Variants in KLF12 observed in about 807,000 individuals in gnomAD.
The protein encoded by KLF12 is KLF transcription factor 12.
KLF12 carries 9 observed loss-of-function variants against 37.8 expected under a neutral mutation model. That is an observed-to-expected ratio of 0.24 (90% CI 0.14 to 0.42). The LOEUF is 0.42. Among genes scored for constraint, KLF12 ranks in the 10% least tolerant of loss-of-function variants. The pLI, the probability that KLF12 is intolerant of heterozygous loss-of-function variation, is 1.00. For missense variants in KLF12, 411 were observed against 516.0 expected, an observed-to-expected ratio of 0.80 and a Z score of 1.97; for synonymous variants, 208 against 202.1, an observed-to-expected ratio of 1.03 and a Z score of -0.25.
At chr13:74,173,007 G>A in the KLF12 span, among the ~76,000 whole-genome samples, 4,993 of 152,272 alleles carry the variant, frequency 0.033, 182 homozygotes, top group African/African-American at 0.086. Flanking sequence ...TACCCATTCT[G>A]AGATTCTGGG....
At chr13:73,829,657 A>T (rs971318921) in intron 4 of KLF12, among the ~76,000 whole-genome samples, 2 of 152,136 alleles carry the variant, frequency 1.3e-5, no homozygotes, top group South Asian at 2.1e-4. Flanking sequence ...GAAACTTACA[A>T]ATATGCAAGG....
intron 2 of KLF12, among the ~76,000 whole-genome samples, chr13:73,984,668 T>G (rs191452341): frequency 1.3e-5 from 2 of 152,358 alleles, no homozygotes; most frequent in East Asian, 3.9e-4. Flanking sequence ...CCTACCATCA[T>G]AGGAGGTCAA....
At chr13:74,097,697 C>CATAT (rs58038474) in intron 1 of KLF12, among the ~76,000 whole-genome samples, 26,524 of 149,916 alleles carry the variant, frequency 0.18, 2,452 homozygotes, top group African/African-American at 0.25. Flanking sequence ...ATTTTATATA[C>CATAT]ATATATATAT....
chr13:74,207,233 C>T, the KLF12 span, among the ~76,000 whole-genome samples: 1 of 152,190 alleles, frequency 6.6e-6, no homozygotes, highest in African/African-American at 2.4e-5. Flanking sequence ...CTAATGTCCT[C>T]TTAACAGTTC....
At chr13:73,782,942 G>T (rs949569463) in intron 5 of KLF12, among the ~76,000 whole-genome samples, 2 of 152,144 alleles carry the variant, frequency 1.3e-5, no homozygotes, top group Non-Finnish European at 2.9e-5. Flanking sequence ...TTGATTTAGC[G>T]TATTCTGTAC....
chr13:74,265,490 C>G, the KLF12 span, among the ~76,000 whole-genome samples: 1 of 152,120 alleles, frequency 6.6e-6, no homozygotes, highest in Non-Finnish European at 1.5e-5. Flanking sequence ...GACCTGTGGT[C>G]GTTTTCTGGT....
At chr13:74,088,597 A>G (rs1822932216) in intron 1 of KLF12, among the ~76,000 whole-genome samples, 1 of 152,122 alleles carries the variant, frequency 6.6e-6, no homozygotes, top group African/African-American at 2.4e-5. Flanking sequence ...AAATCAATAT[A>G]TGGTCATCAC....
chr13:74,058,262 C>T (rs150830791), intron 1 of KLF12, among the ~76,000 whole-genome samples: 1,773 of 150,568 alleles, frequency 0.012, 25 homozygotes, highest in African/African-American at 0.036. Flanking sequence ...CCACTGTGCC[C>T]GGCCAGCTAT....
chr13:74,069,181 G>C (rs544219570), intron 1 of KLF12, among the ~76,000 whole-genome samples: 1 of 152,288 alleles, frequency 6.6e-6, no homozygotes, highest in African/African-American at 2.4e-5. Context: ...CTTACATGTG[G>C]CTCTTTTTCC....
At chr13:74,260,626 A>AATAAAATAAAATAAAATAAAAT in the KLF12 span, among the ~76,000 whole-genome samples, 11 of 117,212 alleles carry the variant, frequency 9.4e-5, no homozygotes, top group African/African-American at 4.6e-4. Flanking sequence ...AATAAAATAA[A>AATAAAATAAAATAAAATAAAAT]ATAGTGAATT....
At chr13:73,729,384 C>T (rs1348488082) in intron 6 of KLF12, among the ~76,000 whole-genome samples, 4 of 152,136 alleles carry the variant, frequency 2.6e-5, no homozygotes, top group African/African-American at 9.7e-5. Context: ...TAAAATACTG[C>T]ATGGTATAAT....
At chr13:73,902,449 T>A (rs1371191778) in intron 3 of KLF12, among the ~76,000 whole-genome samples, 2 of 152,214 alleles carry the variant, frequency 1.3e-5, no homozygotes, top group Admixed American at 6.5e-5. Context: ...TCCATTTTTA[T>A]AGAAGCGGAT....
chr13:74,216,773 TA>T, the KLF12 span, among the ~76,000 whole-genome samples: 30,506 of 152,082 alleles, frequency 0.2, 3,937 homozygotes, highest in African/African-American at 0.37. Flanking sequence ...TCACCCTAAT[TA>T]ACATCCTCTG....
chr13:74,104,181 A>G (rs537797019), intron 1 of KLF12, among the ~76,000 whole-genome samples: 24 of 152,204 alleles, frequency 1.6e-4, no homozygotes, highest in Non-Finnish European at 2.9e-4. Flanking sequence ...ACATGTTTTT[A>G]GTATATTGTT....
chr13:73,759,957 T>C (rs569464808), intron 6 of KLF12, among the ~76,000 whole-genome samples: 2 of 152,330 alleles, frequency 1.3e-5, no homozygotes, highest in South Asian at 2.1e-4. Context: ...CTCCAAGTTA[T>C]ATCCCTCAAA....
the KLF12 span, among the ~76,000 whole-genome samples, chr13:74,284,270 A>G: frequency 6.6e-6 from 1 of 152,130 alleles, no homozygotes; most frequent in Non-Finnish European, 1.5e-5. Flanking sequence ...CAGCTGACCC[A>G]GGCCTTTTAA....
intron 5 of KLF12, among the ~76,000 whole-genome samples, chr13:73,777,649 G>A (rs186641871): frequency 2.0e-3 from 296 of 151,180 alleles, no homozygotes; most frequent in African/African-American, 6.9e-3. Flanking sequence ...CAGAGGTTGC[G>A]GTGAGCCAAG....
chr13:74,300,398 A>G, the KLF12 span, among the ~76,000 whole-genome samples: 6,170 of 152,256 alleles, frequency 0.041, 266 homozygotes, highest in African/African-American at 0.096. Flanking sequence ...GTTGTTAAAG[A>G]TGACCTCTAA....
chr13:74,137,235 A>G (rs986768234), upstream of KLF12, among the ~76,000 whole-genome samples: 1 of 152,238 alleles, frequency 6.6e-6, no homozygotes, highest in Non-Finnish European at 1.5e-5. Context: ...AAATGTAAAG[A>G]TGGCAAATTT....
Sources: gnomAD v4.1 joint callset for allele counts (sites outside exome capture counted in the v4.1 genomes callset) on GRCh38, gnomAD v4.1.1 for gene constraint, MANE v1.5 for transcripts, NCBI Gene and HGNC (gene_info 2026-07-23, HGNC 2026-07-21) for gene names.